RERE: variants seen among roughly 807,000 people sequenced by gnomAD.
The protein encoded by RERE is arginine-glutamic acid dipeptide repeats, also known as arginine-glutamic acid dipeptide repeats protein.
RERE carries 40 observed loss-of-function variants against 146.1 expected under a neutral mutation model. That is an observed-to-expected ratio of 0.27 (90% CI 0.21 to 0.36). The LOEUF is 0.36. RERE is among the 10% of genes least tolerant of loss of function. The pLI, the probability that RERE is intolerant of heterozygous loss-of-function variation, is 1.00. For synonymous variants in RERE, 1,003 were observed against 866.0 expected, an observed-to-expected ratio of 1.16 and a Z score of -2.78; for missense variants, 1,933 against 2,138.7, an observed-to-expected ratio of 0.90 and a Z score of 1.90.
intron 1 of RERE, among the ~76,000 whole-genome samples, chr1:8,785,589 G>A (rs553124170): frequency 1.3e-5 from 2 of 152,282 alleles, no homozygotes; most frequent in South Asian, 2.1e-4. Flanking sequence ...TGAAGACAAA[G>A]GCATTTTAAA....
At chr1:8,774,182 C>A (rs1007640923) in intron 1 of RERE, among the ~76,000 whole-genome samples, 1 of 152,104 alleles carries the variant, frequency 6.6e-6, no homozygotes, top group Non-Finnish European at 1.5e-5. Context: ...CACTAGCAAT[C>A]CTGAATATTC....
rs1641503947 is a variant in RERE, at chr1:8,360,240, G to A, written c.3267C>T (p.Pro1089=). 8 of 1,582,858 alleles carry A rather than the reference G, an allele frequency of 5.1e-6. 1 individual carries two copies. The East Asian group carries it at 1.4e-4, about 27-fold the overall frequency. ...SIAGGSSCPL[P]TVQIKEEALD... ...GAGCCTCCTCCTTGATCTGGACGGT[G>A]GGGAGTGGGCAGGACGACCCCCCCG... The change falls in exon 18 of 23, where the codon CCC becomes CCT. Residue 1089 remains proline, a synonymous_variant. Transcript: ENST00000400908.
At chr1:8,467,579 T>C (rs1225949524) in intron 10 of RERE, among the ~76,000 whole-genome samples, 1 of 152,238 alleles carries the variant, frequency 6.6e-6, no homozygotes, top group Non-Finnish European at 1.5e-5. Context: ...AAACACACAC[T>C]GCAAGTCTCT....
intron 1 of RERE, among the ~76,000 whole-genome samples, chr1:8,657,346 T>C (rs1638346546): frequency 6.7e-6 from 1 of 150,010 alleles, no homozygotes; most frequent in Non-Finnish European, 1.5e-5. Context: ...AAAAAAAGTC[T>C]CAGGATATCG....
chr1:8,736,284 G>A (rs1640196024), intron 1 of RERE, among the ~76,000 whole-genome samples: 1 of 152,154 alleles, frequency 6.6e-6, no homozygotes, highest in Non-Finnish European at 1.5e-5. Flanking sequence ...TTGGCTCACT[G>A]CAAGGTCCGC....
At chr1:8,531,095 TTCTA>T (rs556357296) in intron 7 of RERE, among the ~76,000 whole-genome samples, 119 of 151,460 alleles carry the variant, frequency 7.9e-4, no homozygotes, top group Middle Eastern at 3.4e-3. Context: ...CTGTCCATCT[TTCTA>T]TCTATCTGTC....
At chr1:8,689,229 T>A (rs943531630) in intron 1 of RERE, among the ~76,000 whole-genome samples, 13 of 152,174 alleles carry the variant, frequency 8.5e-5, no homozygotes, top group Non-Finnish European at 1.8e-4. Flanking sequence ...AGGGCAGAAT[T>A]AAGGATGGAG....
At chr1:8,413,132 T>C (rs1331069233) in intron 12 of RERE, among the ~76,000 whole-genome samples, 3 of 152,148 alleles carry the variant, frequency 2.0e-5, no homozygotes, top group African/African-American at 4.8e-5. Context: ...CACACACACA[T>C]ACTTCATTTT....
intron 1 of RERE, among the ~76,000 whole-genome samples, chr1:8,696,622 G>T (rs546061344): frequency 6.6e-6 from 1 of 151,380 alleles, no homozygotes; most frequent in East Asian, 2.0e-4. Context: ...ACAAATAAAC[G>T]AACAAGGCTG....
intron 7 of RERE, among the ~76,000 whole-genome samples, chr1:8,534,806 C>A (rs543066323): frequency 6.6e-6 from 1 of 152,218 alleles, no homozygotes; most frequent in Non-Finnish European, 1.5e-5. Flanking sequence ...GCAGACATCA[C>A]GTCCAGCAAC....
intron 3 of RERE, among the ~76,000 whole-genome samples, chr1:8,615,596 T>A (rs185988661): frequency 1.3e-5 from 2 of 152,330 alleles, no homozygotes; most frequent in East Asian, 3.9e-4. Flanking sequence ...AATACTTATA[T>A]AAGAACCTGT....
chr1:8,643,264 T>C (rs1279685166), intron 2 of RERE, among the ~76,000 whole-genome samples: 1 of 152,218 alleles, frequency 6.6e-6, no homozygotes, highest in Non-Finnish European at 1.5e-5. Flanking sequence ...TGATCATTAA[T>C]TGCTCATAAA....
intron 4 of RERE, among the ~76,000 whole-genome samples, chr1:8,581,410 A>G (rs899412763): frequency 1.3e-5 from 2 of 152,198 alleles, no homozygotes; most frequent in African/African-American, 4.8e-5. Context: ...TGAGTGACAA[A>G]TATTTTCTTA....
intron 1 of RERE, among the ~76,000 whole-genome samples, chr1:8,678,791 A>C (rs2124390829): frequency 6.6e-6 from 1 of 152,318 alleles, no homozygotes; most frequent in East Asian, 1.9e-4. Flanking sequence ...AACTTTCTCT[A>C]AAGAAAAAAT....
rs546332339 is a variant in RERE at position 8,695,178 on chromosome 1, T to C, written c.-144-38737A>G. Among the ~76,000 whole-genome samples, 395 of 152,254 alleles carry C rather than the reference T, an allele frequency of 2.6e-3. 2 individuals are homozygous for C. The highest frequency in any genetic ancestry group is 9.0e-3 in the African/African-American group (375 of 41,554). Reference sequence around the variant, plus strand: ...CAAAAACAAGCAATGGGTAAAGGACTGCCTATTCAAAAAATGGTGCTGGGA... The same window carrying C: ...CAAAAACAAGCAATGGGTAAAGGACCGCCTATTCAAAAAATGGTGCTGGGA... On this transcript the variant is annotated intron_variant, in intron 1 of 22. Coordinates refer to ENST00000400908, the MANE Select transcript of RERE (RefSeq NM_001042681.2).
intron 2 of RERE, among the ~76,000 whole-genome samples, chr1:8,626,897 C>T (rs964423117): frequency 2.0e-5 from 3 of 152,170 alleles, no homozygotes; most frequent in African/African-American, 4.8e-5. Context: ...TACTCACTGG[C>T]TTCAGAACTA....
chr1:8,426,226 G>A (rs773030228), intron 11 of RERE, among the ~76,000 whole-genome samples: 25 of 152,124 alleles, frequency 1.6e-4, no homozygotes, highest in Non-Finnish European at 3.1e-4. Context: ...AGGCTGAGGC[G>A]GGCAGACCAC....
At chr1:8,714,640 C>CT (rs1639728318) in intron 1 of RERE, among the ~76,000 whole-genome samples, 2 of 152,290 alleles carry the variant, frequency 1.3e-5, no homozygotes, top group African/African-American at 4.8e-5. Flanking sequence ...GGGAAGTCTT[C>CT]TTCCAACAAC....
chr1:8,671,322 G>A (rs529782586), intron 1 of RERE, among the ~76,000 whole-genome samples: 1 of 152,344 alleles, frequency 6.6e-6, no homozygotes, highest in South Asian at 2.1e-4. Flanking sequence ...ACGATGCTCT[G>A]AAAAGAATAC....
Sources: allele counts gnomAD v4.1 joint callset (sites outside exome capture counted in the v4.1 genomes callset), GRCh38; gene constraint gnomAD v4.1.1; transcripts MANE v1.5; gene names NCBI Gene and HGNC (gene_info 2026-07-23, HGNC 2026-07-21).